Variants in ADGB observed in about 807,000 individuals in gnomAD.
ADGB encodes the protein calpain-7-like protein.
A neutral mutation model predicts 210.5 loss-of-function variants in ADGB; 172 were observed. The observed-to-expected ratio is 0.82, with a 90% CI of 0.72 to 0.93. ADGB has a LOEUF of 0.93. Among genes scored for constraint, ADGB ranks in the 40% least tolerant of loss-of-function variants. The pLI is 0.00. For missense variants in ADGB, 2,025 were observed against 1,964.8 expected (o/e 1.03, Z -0.58); for synonymous variants, 658 against 662.7 (o/e 0.99, Z 0.11).
intron 29 of ADGB, among the ~76,000 whole-genome samples, chr6:146,772,808 C>G (rs900828276): frequency 5.3e-5 from 8 of 151,526 alleles, no homozygotes; most frequent in African/African-American, 1.9e-4. Flanking sequence ...AAAATGACAC[C>G]TTGAAATGTG....
chr6:146,752,647 T>A lies in ADGB; in HGVS notation c.3483T>A (p.Thr1161=), dbSNP rs1777341314. 1 of 1,550,958 alleles carries A rather than the reference T, an allele frequency of 6.4e-7. No homozygotes were observed. The highest frequency in any genetic ancestry group is 1.2e-5 in the South Asian group (1 of 84,004). Residue 1161 remains threonine, a synonymous_variant, in exon 27 of 36, where the codon ACT becomes ACA. Coordinates refer to ENST00000397944, the MANE Select transcript of ADGB (RefSeq NM_024694.4). ...LENEETMVSS[T]GKGQAIIPAF... ...ATGAAGAAACTATGGTGAGCTCCAC[T>A]GGAAAAGGCCAAGCTATAATCCCAG... is the stretch of plus-strand genomic sequence containing the variant.
intron 7 of ADGB, among the ~76,000 whole-genome samples, 190 bp from the exon 8 acceptor site, chr6:146,672,030 C>G (rs186390909): frequency 1.4e-3 from 214 of 152,290 alleles, no homozygotes; most frequent in African/African-American, 5.0e-3. Flanking sequence ...AAGCCCAGCA[C>G]ACAGTAGGCA....
At position 146,716,921 on chromosome 6, in the gene ADGB, C is replaced by G; in HGVS notation, c.1780C>G (p.His594Asp). The change falls in exon 15 of 36, where the codon CAT becomes GAT. Residue 594 changes from histidine to aspartate, a missense_variant. Transcript: ENST00000397944. Reference protein sequence around the residue: ...EQTDFGLGDAHQSDGLNLERE... With the variant: ...EQTDFGLGDADQSDGLNLERE... ...AACAGACTTTGGATTGGGTGATGCT[C>G]ATCAGAGTGATGGATTAAACTTGGA... is the stretch of plus-strand genomic sequence containing the variant. 1 of 1,551,250 alleles carries G rather than the reference C, an allele frequency of 6.4e-7. No individual in the cohort carries two copies. Among genetic ancestry groups the G allele is most frequent in the Non-Finnish European group, 8.7e-7 (1 of 1,146,746 alleles).
intron 3 of ADGB, among the ~76,000 whole-genome samples, chr6:146,647,290 T>C (rs1386771586): frequency 6.6e-6 from 1 of 151,754 alleles, no homozygotes; most frequent in African/African-American, 2.4e-5. Context: ...AATAATAATA[T>C]AGGAATTATC....
intron 1 of ADGB, among the ~76,000 whole-genome samples, chr6:146,635,129 T>A (rs957011231): frequency 7.2e-5 from 11 of 152,182 alleles, no homozygotes; most frequent in Non-Finnish European, 1.5e-4. Flanking sequence ...TATCTTTTTT[T>A]AAAATTCTTG....
intron 15 of ADGB, 119 bp from the exon 16 acceptor site, chr6:146,717,417 C>A (rs1776752042): frequency 1.7e-6 from 1 of 591,486 alleles, no homozygotes; most frequent in East Asian, 3.2e-5. Flanking sequence ...GCAACTGACC[C>A]AATACTGTTG....
intron 14 of ADGB, among the ~76,000 whole-genome samples, chr6:146,716,599 CAAAAAAAAAAAAAAAA>C (rs10606792): frequency 1.5e-5 from 1 of 66,826 alleles, no homozygotes; most frequent in Non-Finnish European, 2.3e-5. Context: ...GACTCCGTCT[CAAAAAAAAAAAAAAAA>C]AAAAAAAAAA....
intron 32 of ADGB, among the ~76,000 whole-genome samples, chr6:146,788,001 T>G (rs1452866421): frequency 6.6e-6 from 1 of 152,178 alleles, no homozygotes; most frequent in African/African-American, 2.4e-5. Flanking sequence ...AATAAATGTC[T>G]GCATACAGGG....
At position 146,673,436 on chromosome 6, in the gene ADGB, C is replaced by G. The variant is rs770596616; in HGVS notation, c.1087+969C>G. On this transcript the variant is annotated intron_variant, in intron 8 of 35. Coordinates refer to ENST00000397944, the MANE Select transcript of ADGB (RefSeq NM_024694.4). The stretch of plus-strand genomic sequence containing the variant: ...GCTCCTGCTTCCCTAAGAAATGCAT[C>G]TTTGTTGTCGTTATCCTTTCTTAAG... Among the ~76,000 whole-genome samples, 12 of 152,158 alleles carry G rather than the reference C, an allele frequency of 7.9e-5. 1 individual carries two copies. In the South Asian group the frequency reaches 1.7e-3, roughly 21 times the overall value.
intron 35 of ADGB, among the ~76,000 whole-genome samples, chr6:146,806,544 A>C (rs1256548789): frequency 2.0e-5 from 3 of 152,212 alleles, no homozygotes; most frequent in African/African-American, 7.2e-5. Context: ...TCTGATTCTG[A>C]CATCCAGCTT....
intron 19 of ADGB, among the ~76,000 whole-genome samples, chr6:146,727,714 C>T (rs1776918154): frequency 6.6e-6 from 1 of 152,146 alleles, no homozygotes; most frequent in South Asian, 2.1e-4. Context: ...ATAATTGATC[C>T]TATCTAATAT....
At chr6:146,666,111 CAT>C (rs1775934045) in intron 6 of ADGB, among the ~76,000 whole-genome samples, 1 of 152,036 alleles carries the variant, frequency 6.6e-6, no homozygotes, top group South Asian at 2.1e-4. Flanking sequence ...GAAAGGCACA[CAT>C]GTGTTGGTAA....
chr6:146,697,466 A>G (rs1169041331), intron 12 of ADGB, among the ~76,000 whole-genome samples: 4 of 152,188 alleles, frequency 2.6e-5, no homozygotes, highest in Non-Finnish European at 5.9e-5. Flanking sequence ...TGGTTTAAAA[A>G]ATAAAATAGA....
intron 11 of ADGB, among the ~76,000 whole-genome samples, 188 bp downstream of exon 11, chr6:146,691,478 ATATATAT>A (rs1776323355): frequency 9.5e-5 from 1 of 10,574 alleles, no homozygotes; most frequent in Non-Finnish European, 1.4e-4. Flanking sequence ...ATATATATAA[ATATATAT>A]ATATATATAT....
chr6:146,798,741 T>A (rs990636202), intron 33 of ADGB, among the ~76,000 whole-genome samples: 2 of 150,576 alleles, frequency 1.3e-5, no homozygotes. Flanking sequence ...AGTAAACAAA[T>A]CATTTTTATT....
At chr6:146,633,127 C>T (rs554731924) in intron 1 of ADGB, among the ~76,000 whole-genome samples, 62 of 152,216 alleles carry the variant, frequency 4.1e-4, no homozygotes, top group African/African-American at 1.5e-3. Context: ...CGCACTGCTG[C>T]TTTATGCCCC....
chr6:146,685,142 A>G (rs1183561787), intron 9 of ADGB, among the ~76,000 whole-genome samples: 1 of 152,098 alleles, frequency 6.6e-6, no homozygotes, highest in South Asian at 2.1e-4. Flanking sequence ...AAAATACTGA[A>G]TAAAATAATC....
chr6:146,757,561 T>C (rs899811158), intron 27 of ADGB, among the ~76,000 whole-genome samples: 1 of 151,892 alleles, frequency 6.6e-6, no homozygotes, highest in Admixed American at 6.6e-5. Context: ...AATACCCCAA[T>C]GGTCTTAGCA....
rs1343908899 is a variant in ADGB, at chr6:146,691,303, T to C, written c.1486+13T>C. 1.3e-6 allele frequency: 2 copies of C among 1,527,820 alleles called. No homozygotes were observed. Among genetic ancestry groups the C allele is most frequent in the Non-Finnish European group, 1.8e-6 (2 of 1,138,000 alleles). The allele number at this position is 1,527,820 out of a possible 1,614,324, so 94.6% of individuals were successfully genotyped here. A position where few individuals can be genotyped will look rare whatever the true frequency, so the allele number is the denominator to read the frequency against. On this transcript the variant is annotated intron_variant, in intron 11 of 35. Transcript: ENST00000397944. ...GATGAAGCTCAAGGTATGTATCACA[T>C]CATCTTCAAATCCTTCTAATTAATG...
Sources: gnomAD v4.1 joint callset for allele counts (sites outside exome capture counted in the v4.1 genomes callset) on GRCh38, gnomAD v4.1.1 for gene constraint, MANE v1.5 for transcripts, NCBI Gene and HGNC (gene_info 2026-07-23, HGNC 2026-07-21) for gene names.